The following ATP8B1 variants were observed in gnomAD, a reference collection of about 807,000 sequenced individuals.
ATP8B1 encodes the protein ATPase phospholipid transporting 8B1, also known as phospholipid-transporting ATPase IC.
In ATP8B1, 80 loss-of-function variants were observed where a neutral mutation model predicts 149.9. The ratio of observed to expected loss-of-function variants is 0.53; its 90% confidence interval spans 0.45 to 0.64. The LOEUF (loss-of-function observed/expected upper bound fraction) is 0.64, where lower values mean the gene tolerates loss of function less well. ATP8B1 is among the 30% of genes least tolerant of loss of function. The pLI is 0.00. For synonymous variants in ATP8B1, 536 were observed against 562.8 expected (o/e 0.95, Z 0.67); for missense variants, 1,247 against 1,552.6 (o/e 0.80, Z 3.31).
At chr18:57,673,262 G>C (rs1384638684) in intron 16 of ATP8B1, among the ~76,000 whole-genome samples, 6 of 151,790 alleles carry the variant, frequency 4.0e-5, no homozygotes, top group Admixed American at 1.3e-4. Flanking sequence ...CCTTGACTCA[G>C]AGTCATGATC....
chr18:57,725,426 T>C (rs564897749), intron 2 of ATP8B1, among the ~76,000 whole-genome samples: 4 of 152,156 alleles, frequency 2.6e-5, no homozygotes, highest in Non-Finnish European at 5.9e-5. Context: ...TGCTCATGGA[T>C]TGGAATATTG....
At chr18:57,745,585 T>C (rs995563913) in intron 1 of ATP8B1, among the ~76,000 whole-genome samples, 1 of 152,010 alleles carries the variant, frequency 6.6e-6, no homozygotes, top group Non-Finnish European at 1.5e-5. Flanking sequence ...AAATTTTTGA[T>C]TGGCGTCATT....
chr18:57,669,346 A>G lies in ATP8B1; in HGVS notation c.2069T>C (p.Val690Ala). 1.2e-6 allele frequency: 2 copies of G among 1,613,010 alleles called. No individual in the cohort carries two copies. The highest frequency in any genetic ancestry group is 1.7e-6 in the Non-Finnish European group (2 of 1,179,800). ...TAAGTCTTTTTCAATCTCCTCATATACTTTATCCAGAGCTTCGTCCCGGTT... is the reference window on the plus strand; with the variant it reads ...TAAGTCTTTTTCAATCTCCTCATATGCTTTATCCAGAGCTTCGTCCCGGTT... ...STNRDEALDK[V>A]YEEIEKDLIL... The change falls in exon 18 of 28, where the codon GTA becomes GCA. Residue 690 changes from valine to alanine, a missense_variant. Physicochemically the swap from Val to Ala is moderately conservative, Grantham distance 64. Coordinates refer to ENST00000648908, the MANE Select transcript of ATP8B1 (RefSeq NM_001374385.1).
At chr18:57,657,615 C>T (rs1277426296) in intron 22 of ATP8B1, among the ~76,000 whole-genome samples, 3 of 152,222 alleles carry the variant, frequency 2.0e-5, no homozygotes, top group Admixed American at 6.5e-5. Context: ...AACTGCATCT[C>T]ATATAATATT....
chr18:57,680,489 C>A, intron 15 of ATP8B1, among the ~76,000 whole-genome samples: 1 of 151,116 alleles, frequency 6.6e-6, no homozygotes, highest in Admixed American at 6.6e-5. Context: ...GAGGCTGAGG[C>A]AGGAGAATTG....
At chr18:57,662,730 C>T (rs770280778) in intron 20 of ATP8B1, 115 bp from the exon 21 acceptor site, 48 of 1,186,648 alleles carry the variant, frequency 4.0e-5, no homozygotes, top group Non-Finnish European at 5.5e-5. Flanking sequence ...TACCATCTTA[C>T]CTATTTTTGT....
At chr18:57,694,773 T>C in intron 10 of ATP8B1, 103 bp from the exon 11 acceptor site, 5 of 856,466 alleles carry the variant, frequency 5.8e-6, no homozygotes, top group Non-Finnish European at 7.6e-6. Context: ...CTTACGCCTG[T>C]AATCCCAGCA....
rs188485071 is a variant in ATP8B1 at position 57,660,643 on chromosome 18, C to T, written c.2707+531G>A. Among the ~76,000 whole-genome samples the T allele has an allele frequency of 7.2e-3, 1,091 of 152,200 alleles. 9 individuals are homozygous for T. Among genetic ancestry groups the T allele is most frequent in the African/African-American group, 0.023 (936 of 41,534 alleles). On this transcript the variant is annotated intron_variant, in intron 22 of 27. Transcript: ENST00000648908. ...AAGTGATTTTCCTGCCTCAGCCTCC[C>T]GAGTAGCTGGGATTACAGGTGTGCA...
chr18:57,760,985 TCTCAAATAAA>T (rs2080145408), intron 1 of ATP8B1, among the ~76,000 whole-genome samples: 1 of 143,354 alleles, frequency 7.0e-6, no homozygotes. Context: ...CGAGACTCTG[TCTCAAATAAA>T]ATAAAATAAA....
chr18:57,661,084 T>C (rs1306181497), intron 22 of ATP8B1, 90 bp downstream of exon 22: 1 of 1,509,668 alleles, frequency 6.6e-7, no homozygotes, highest in Non-Finnish European at 9.0e-7. Flanking sequence ...AGCTGTAAAA[T>C]CTAAAAAAAG....
Position 57,648,470 on chromosome 18 carries a change from C to T in ATP8B1, c.*18G>A, listed in dbSNP as rs779974721. ...ATAGACGTGCTTTGTGGCCGCATCC[C>T]AGCCTGGGGGTAAGGGATCAGCTGT... On this transcript the variant is annotated 3_prime_UTR_variant, in exon 28 of 28. Coordinates refer to ENST00000648908, the MANE Select transcript of ATP8B1 (RefSeq NM_001374385.1). The T allele has an allele frequency of 1.2e-6, 2 of 1,610,918 alleles. 1 individual carries two copies. Among genetic ancestry groups the T allele is most frequent in the South Asian group, 2.2e-5 (2 of 91,004 alleles).
Position 57,658,488 on chromosome 18 carries a change from C to T in ATP8B1, c.2707+2686G>A, listed in dbSNP as rs370741249. Among the ~76,000 whole-genome samples, 14 of 152,314 alleles carry T rather than the reference C, an allele frequency of 9.2e-5. No individual in the cohort carries two copies. The East Asian group carries it at 1.3e-3, about 15-fold the overall frequency. ...GCCTATGATAGTCCTTGGATCCTTGCTAGGGGCAGAAACATGGTGGGTCAT... is the reference window on the plus strand; with the variant it reads ...GCCTATGATAGTCCTTGGATCCTTGTTAGGGGCAGAAACATGGTGGGTCAT... On this transcript the variant is annotated intron_variant, in intron 22 of 27. Transcript: ENST00000648908.
chr18:57,661,270 T>C lies in ATP8B1; in HGVS notation c.2611A>G (p.Lys871Glu). Residue 871 changes from lysine (K) to glutamate (E), a missense_variant, in exon 22 of 28, where the codon AAG (lysine) becomes GAG (glutamate). This residue lies in a region of ATP8B1 where 230 missense variants were observed against 356.6 expected (regional missense o/e 0.65). Transcript: ENST00000648908. ...SAVICCRVTP[K>E]QKAMVVDLVK... ...AGGTCCACCACCATGGCCTTCTGCT[T>C]GGGGGTGACGCGGCAGCAGATGACT... 1 of 1,613,910 alleles carries C rather than the reference T, an allele frequency of 6.2e-7. No homozygotes were observed. The highest frequency in any genetic ancestry group is 8.5e-7 in the Non-Finnish European group (1 of 1,179,976).
chr18:57,796,021 T>C (rs111603342), intron 1 of ATP8B1, among the ~76,000 whole-genome samples: 92 of 151,966 alleles, frequency 6.1e-4, no homozygotes, highest in African/African-American at 2.1e-3. Context: ...ATACAAAAAT[T>C]AGCCAAGCCT....
rs757090822 is a variant in ATP8B1, at chr18:57,662,579, A to G, written c.2322T>C (p.Asn774=). Residue 774 remains asparagine, a synonymous_variant, in exon 21 of 28, where the codon AAT becomes AAC. Transcript: ENST00000648908. ...CAAACTTTGCGTAGACGCCACCTCT[A>G]TTCCTCTGGTTTTCCATCCTTGCAT... ...LLHARMENQR[N]RGGVYAKFAP... 12 of 1,614,168 alleles carry G rather than the reference A, an allele frequency of 7.4e-6. No individual in the cohort carries two copies. The South Asian group carries it at 9.9e-5, about 13-fold the overall frequency.
At chr18:57,712,100 T>C in intron 2 of ATP8B1, among the ~76,000 whole-genome samples, 1 of 151,358 alleles carries the variant, frequency 6.6e-6, no homozygotes, top group East Asian at 1.9e-4. Flanking sequence ...GGTGGCCAAA[T>C]AGAAGCTCGC....
At chr18:57,682,557 A>G (rs1912033889) in intron 15 of ATP8B1, among the ~76,000 whole-genome samples, 1 of 152,210 alleles carries the variant, frequency 6.6e-6, no homozygotes, top group African/African-American at 2.4e-5. Context: ...AGTCAAAACC[A>G]AAGAGAACCA....
At chr18:57,672,928 ATATAAC>A (rs1483385614) in intron 16 of ATP8B1, among the ~76,000 whole-genome samples, 2 of 42,160 alleles carry the variant, frequency 4.7e-5, no homozygotes, top group Non-Finnish European at 4.0e-5. Context: ...ATATATATAT[ATATAAC>A]ATGTATATAC....
intron 1 of ATP8B1, among the ~76,000 whole-genome samples, chr18:57,797,701 TTC>T (rs2080527989): frequency 9.1e-6 from 1 of 109,998 alleles, no homozygotes; most frequent in African/African-American, 4.5e-5. Context: ...CTTTCTTTCT[TTC>T]TTTTTTTTTT....
Sources: allele counts gnomAD v4.1 joint callset (sites outside exome capture counted in the v4.1 genomes callset), GRCh38; gene constraint gnomAD v4.1.1; regional missense constraint gnomAD v4.1.1; transcripts MANE v1.5; gene names NCBI Gene and HGNC (gene_info 2026-07-23, HGNC 2026-07-21).